LRP2BP: variants seen among roughly 807,000 people sequenced by gnomAD.
The protein encoded by LRP2BP is LRP2 binding protein, also known as LRP2-binding protein.
Under a neutral mutation model 45.2 loss-of-function variants are expected in LRP2BP, and 38 were observed. That is an observed-to-expected ratio of 0.84 (90% CI 0.65 to 1.10). The LOEUF (loss-of-function observed/expected upper bound fraction) is 1.10. Among genes scored for constraint, LRP2BP ranks in the 50% least tolerant of loss-of-function variants. The pLI is 0.00. For synonymous variants in LRP2BP, 153 were observed against 153.9 expected (o/e 0.99, Z 0.04); for missense variants, 385 against 418.9 (o/e 0.92, Z 0.71).
In LRP2BP at chr4:185,370,695, T is replaced by C; in HGVS notation, c.923A>G (p.Gln308Arg). The C allele has an allele frequency of 6.2e-7, 1 of 1,614,046 alleles. No homozygotes were observed. The highest frequency in any genetic ancestry group is 8.5e-7 in the Non-Finnish European group (1 of 1,180,012). Reference sequence around the variant, plus strand: ...ATCCCTGGTGATGCCCAAGCCAAGCTGAAGACACCTTGCGTGGTAGAAGGA... The same window carrying C: ...ATCCCTGGTGATGCCCAAGCCAAGCCGAAGACACCTTGCGTGGTAGAAGGA... ...MASFYHARCL[Q>R]LGLGITRDET... Residue 308 changes from glutamine to arginine, a missense_variant, in exon 8 of 9, where the codon CAG becomes CGG. By Grantham distance (43) the Gln-to-Arg change is conservative. Coordinates refer to ENST00000505916, the MANE Select transcript of LRP2BP (RefSeq NM_001377440.1).
At chr4:185,380,172 T>A (rs911112341) in intron 1 of LRP2BP, among the ~76,000 whole-genome samples, 1 of 151,708 alleles carries the variant, frequency 6.6e-6, no homozygotes, top group African/African-American at 2.4e-5. Flanking sequence ...ATTTATTGGA[T>A]TGACTAGATA....
chr4:185,392,339 G>C (rs564736933), intron 1 of LRP2BP, among the ~76,000 whole-genome samples: 1 of 152,284 alleles, frequency 6.6e-6, no homozygotes, highest in East Asian at 1.9e-4. Flanking sequence ...ATCATCAAAA[G>C]AGGATAACTA....
intron 8 of LRP2BP, among the ~76,000 whole-genome samples, chr4:185,368,595 C>T (rs899981601): frequency 6.6e-6 from 1 of 152,180 alleles, no homozygotes; most frequent in African/African-American, 2.4e-5. Flanking sequence ...CATATGATAT[C>T]ATTCCAGACC....
chr4:185,385,544 G>A (rs138958322), intron 1 of LRP2BP, among the ~76,000 whole-genome samples: 179 of 152,272 alleles, frequency 1.2e-3, no homozygotes, highest in Admixed American at 5.9e-3. Flanking sequence ...ATATTCATTT[G>A]CAGCCCCATT....
At position 185,387,034 on chromosome 4, in the gene LRP2BP, T is replaced by C. The variant is rs187770194; in HGVS notation, c.-22+7745A>G. 5.8e-4 allele frequency among the ~76,000 whole-genome samples: 88 copies of C among 152,206 alleles called. 1 individual carries two copies. Among genetic ancestry groups the C allele is most frequent in the African/African-American group, 2.1e-3 (86 of 41,516 alleles). ...GCCAAGGTGGGCAGATCACCTGAGG[T>C]TAGGAGTTCGAGACCAGCCTGGCCA... On this transcript the variant is annotated intron_variant, in intron 1 of 8. Coordinates refer to ENST00000505916, the MANE Select transcript of LRP2BP (RefSeq NM_001377440.1).
chr4:185,372,771 T>G, intron 7 of LRP2BP, 85 bp downstream of exon 7: 1 of 1,187,960 alleles, frequency 8.4e-7, no homozygotes, highest in Non-Finnish European at 1.2e-6. Flanking sequence ...CCTCTGGAAC[T>G]GTGAGAAATA....
chr4:185,373,118 A>G lies in LRP2BP; in HGVS notation c.580-39T>C, dbSNP rs749503605. 3.9e-6 allele frequency: 6 copies of G among 1,540,186 alleles called. No homozygotes were observed. The South Asian group carries it at 5.6e-5, about 14-fold the overall frequency. On this transcript the variant is annotated intron_variant, in intron 6 of 8. Transcript: ENST00000505916. ...AGTTTCATCATTGTATTTGTGATCC[A>G]CTAGATGAAATTATAAGGGAATACT...
At chr4:185,367,841 G>A (rs993555983) in intron 8 of LRP2BP, among the ~76,000 whole-genome samples, 2 of 152,128 alleles carry the variant, frequency 1.3e-5, no homozygotes, top group African/African-American at 4.8e-5. Flanking sequence ...CACCTTCAGA[G>A]AAAACTTGTG....
intron 4 of LRP2BP, 35 bp downstream of exon 4, chr4:185,375,578 A>C (rs751653285): frequency 6.1e-5 from 72 of 1,176,036 alleles, no homozygotes; most frequent in Non-Finnish European, 7.6e-5. Context: ...ACTGACAATG[A>C]AATCTTAACC....
intron 1 of LRP2BP, among the ~76,000 whole-genome samples, chr4:185,392,347 C>G (rs1053898746): frequency 2.0e-5 from 3 of 152,186 alleles, no homozygotes; most frequent in Admixed American, 2.0e-4. Flanking sequence ...AAGAGGATAA[C>G]TATACTTTGC....
At chr4:185,367,964 G>A (rs1441020133) in intron 8 of LRP2BP, among the ~76,000 whole-genome samples, 1 of 152,128 alleles carries the variant, frequency 6.6e-6, no homozygotes, top group Admixed American at 6.5e-5. Context: ...TGGATCACGA[G>A]GTCAGGAGAT....
intron 4 of LRP2BP, 99 bp downstream of exon 4, chr4:185,375,514 A>ATATATG (rs1460789457): frequency 1.2e-5 from 1 of 86,802 alleles, no homozygotes; most frequent in African/African-American, 5.9e-5. Context: ...ATATATATAT[A>ATATATG]TGTATATATA....
At chr4:185,376,786 A>G (rs776636155) in intron 3 of LRP2BP, 123 bp downstream of exon 3, 4 of 660,912 alleles carry the variant, frequency 6.1e-6, no homozygotes, top group East Asian at 2.7e-5. Flanking sequence ...CCACAGCCAT[A>G]GTCGATGTAA....
intron 8 of LRP2BP, among the ~76,000 whole-genome samples, chr4:185,370,359 T>C (rs2126783963): frequency 6.6e-6 from 1 of 152,308 alleles, no homozygotes; most frequent in East Asian, 1.9e-4. Flanking sequence ...ACTGTTCAGC[T>C]TTAAGGTCTT....
intron 8 of LRP2BP, chr4:185,369,648 A>G (rs1426773621): frequency 4.1e-5 from 15 of 366,072 alleles, no homozygotes; most frequent in Admixed American, 1.8e-4. Flanking sequence ...GCTGTGTGCT[A>G]TGTGTCTATG....
chr4:185,373,412 T>C (rs2095422524), intron 6 of LRP2BP, among the ~76,000 whole-genome samples: 1 of 152,036 alleles, frequency 6.6e-6, no homozygotes, highest in African/African-American at 2.4e-5. Context: ...CTGAAAGGCG[T>C]GAGGCACAGC....
At chr4:185,384,271 A>C (rs1055228891) in intron 1 of LRP2BP, among the ~76,000 whole-genome samples, 3 of 152,194 alleles carry the variant, frequency 2.0e-5, no homozygotes, top group Non-Finnish European at 4.4e-5. Flanking sequence ...CTCACCAGAC[A>C]CTGAATCTGC....
At chr4:185,385,911 G>A (rs371617957) in intron 1 of LRP2BP, among the ~76,000 whole-genome samples, 1 of 143,922 alleles carries the variant, frequency 6.9e-6, no homozygotes, top group African/African-American at 2.6e-5. Flanking sequence ...GGGGAGGGGG[G>A]GGGGGAGATA....
Position 185,364,442 on chromosome 4 carries a change from A to T in LRP2BP, c.*2738T>A, listed in dbSNP as rs2095379549. On this transcript the variant is annotated 3_prime_UTR_variant, in exon 9 of 9. Transcript: ENST00000505916. ...ACCTTCCCCTGTCTAATCCCCAAGA[A>T]TATTGAAAACAAAACAATTAAACAA... 1 of 152,202 alleles carries T rather than the reference A, an allele frequency of 6.6e-6. No individual in the cohort carries two copies. Among genetic ancestry groups the T allele is most frequent in the South Asian group, 2.1e-4 (1 of 4,832 alleles). 9.4% of individuals were successfully genotyped at this position (152,202 alleles called of 1,614,324 possible).
Sources: gnomAD v4.1 joint callset for allele counts (sites outside exome capture counted in the v4.1 genomes callset) on GRCh38, gnomAD v4.1.1 for gene constraint, MANE v1.5 for transcripts, NCBI Gene and HGNC (gene_info 2026-07-23, HGNC 2026-07-21) for gene names.